The following XPA variants were observed in gnomAD, a reference collection of about 807,000 sequenced individuals.
The protein encoded by XPA is DNA repair protein complementing XP-A cells.
Under a neutral mutation model 35.7 loss-of-function variants are expected in XPA, and 27 were observed. The ratio of observed to expected loss-of-function variants is 0.76; its 90% CI spans 0.56 to 1.04. XPA has a LOEUF of 1.04. XPA is among the 50% of genes least tolerant of loss of function. XPA has a pLI of 0.00. For missense variants in XPA, 354 were observed against 342.7 expected (o/e 1.03, Z -0.26); for synonymous variants, 133 against 118.4 (o/e 1.12, Z -0.80).
At chr9:97,656,212 T>A in the XPA span, 1 of 795,834 alleles carries the variant, frequency 1.3e-6, no homozygotes, top group Non-Finnish European at 2.0e-6. Flanking sequence ...CCATTTTTAA[T>A]CAAGACTTAG....
At chr9:97,658,586 C>A in the XPA span, 6 of 1,374,782 alleles carry the variant, frequency 4.4e-6, no homozygotes, top group Non-Finnish European at 5.2e-6. Flanking sequence ...TCGGGTGTTA[C>A]CGAAGAATGG....
At position 97,675,420 on chromosome 9, in the gene XPA, A is replaced by G; in HGVS notation, c.*19T>C. ...ATTTAAATATAAAATTCTATAAAAC[A>G]GGTCACTGAACTAAAAAATCACATT... On this transcript the variant is annotated 3_prime_UTR_variant, in exon 6 of 6. Transcript: ENST00000375128. 1 of 1,609,836 alleles carries G rather than the reference A, an allele frequency of 6.2e-7. No homozygotes were observed. Among genetic ancestry groups the G allele is most frequent in the Non-Finnish European group, 8.5e-7 (1 of 1,178,542 alleles).
chr9:97,693,865 C>A (rs1352865193), intron 1 of XPA, 106 bp from the exon 2 acceptor site: 4 of 1,004,848 alleles, frequency 4.0e-6, no homozygotes, highest in Non-Finnish European at 6.1e-6. Flanking sequence ...TCAAACAACA[C>A]AAGGATGTCC....
chr9:97,666,352 A>T, the XPA span, among the ~76,000 whole-genome samples: 1 of 152,220 alleles, frequency 6.6e-6, no homozygotes, highest in Non-Finnish European at 1.5e-5. Context: ...AATAATATAA[A>T]GCATGGGAAA....
At chr9:97,662,159 A>T in the XPA span, 1 of 1,590,592 alleles carries the variant, frequency 6.3e-7, no homozygotes, top group South Asian at 1.1e-5. Context: ...GTATGAGTAC[A>T]GAGCCTTGCT....
chr9:97,693,673 T>G lies in XPA; in HGVS notation c.259A>C (p.Ile87Leu). 2.5e-6 allele frequency: 4 copies of G among 1,613,580 alleles called. No homozygotes were observed. Among genetic ancestry groups the G allele is most frequent in the Non-Finnish European group, 2.5e-6 (3 of 1,179,918 alleles). The change falls in exon 2 of 6, where the codon ATT becomes CTT. Residue 87 changes from isoleucine (I) to leucine (L), a missense_variant. By Grantham distance (5) the Ile-to-Leu change is conservative (BLOSUM62 2). Coordinates refer to ENST00000375128, the MANE Select transcript of XPA (RefSeq NM_000380.4). ...CCTGGTTGATGAACAACTTTTCCAATTTTCTGTTCTTCTTCTTCTTCCTCT... is the reference window on the plus strand; with the variant it reads ...CCTGGTTGATGAACAACTTTTCCAAGTTTCTGTTCTTCTTCTTCTTCCTCT... ...LEEEEEEEQK[I>L]GKVVHQPGPV...
chr9:97,657,116 G>A, the XPA span, among the ~76,000 whole-genome samples: 5 of 152,214 alleles, frequency 3.3e-5, no homozygotes, highest in Admixed American at 6.5e-5. Flanking sequence ...ACAGGCGCCC[G>A]CCACCACGCC....
intron 5 of XPA, among the ~76,000 whole-genome samples, chr9:97,683,093 A>G (rs1244243695): frequency 6.6e-6 from 1 of 152,194 alleles, no homozygotes; most frequent in African/African-American, 2.4e-5. Flanking sequence ...TTATTATTTT[A>G]TCCATGTATT....
chr9:97,663,671 G>A, the XPA span, among the ~76,000 whole-genome samples: 1 of 151,744 alleles, frequency 6.6e-6, no homozygotes, highest in East Asian at 2.0e-4. Context: ...TTTTAGTAGA[G>A]ATGGGGTTTC....
At chr9:97,673,754 T>C (rs985248061), downstream of XPA, 5 of 152,228 alleles carry the variant, frequency 3.3e-5, no homozygotes, top group African/African-American at 1.2e-4. Context: ...GTAAACATAC[T>C]GTTTTCCTAA....
At chr9:97,676,498 T>C (rs770935551) in intron 5 of XPA, among the ~76,000 whole-genome samples, 2 of 152,234 alleles carry the variant, frequency 1.3e-5, no homozygotes, top group Non-Finnish European at 2.9e-5. Context: ...ATAGCTGTCT[T>C]GTATAATCTC....
chr9:97,682,303 T>C (rs1321350060), intron 5 of XPA: 1 of 518,928 alleles, frequency 1.9e-6, no homozygotes, highest in Non-Finnish European at 3.8e-6. Context: ...ACTTTTAGAC[T>C]TGCTTTTATT....
the XPA span, among the ~76,000 whole-genome samples, chr9:97,665,403 G>T: frequency 6.6e-6 from 1 of 152,146 alleles, no homozygotes; most frequent in South Asian, 2.1e-4. Context: ...TACAGAATAG[G>T]GAAGTGTCAC....
At chr9:97,665,555 T>C in the XPA span, among the ~76,000 whole-genome samples, 1 of 152,220 alleles carries the variant, frequency 6.6e-6, no homozygotes, top group Non-Finnish European at 1.5e-5. Context: ...CTGCAAACCT[T>C]TCCCTGACTA....
At chr9:97,658,426 C>G in the XPA span, among the ~76,000 whole-genome samples, 93 of 152,364 alleles carry the variant, frequency 6.1e-4, 1 homozygote, top group East Asian at 0.017. Context: ...GCTCACTCAC[C>G]CGCACCTCAG....
chr9:97,680,139 G>A (rs751485665), intron 5 of XPA, among the ~76,000 whole-genome samples: 7 of 152,162 alleles, frequency 4.6e-5, no homozygotes, highest in Non-Finnish European at 1.0e-4. Context: ...TATACACAAG[G>A]TAGCAGCATT....
chr9:97,690,621 C>T (rs763528917), intron 2 of XPA, among the ~76,000 whole-genome samples: 6 of 152,058 alleles, frequency 3.9e-5, no homozygotes, highest in Admixed American at 3.3e-4. Flanking sequence ...CTCCTAACCT[C>T]GTGATCCACC....
At position 97,675,015 on chromosome 9, in the gene XPA, A is replaced by G. The variant is rs1828306628; in HGVS notation, c.*424T>C. 1.9e-6 allele frequency: 1 copy of G among 527,496 alleles called. No individual in the cohort carries two copies. Among genetic ancestry groups the G allele is most frequent in the African/African-American group, 1.9e-5 (1 of 53,408 alleles). 32.7% of individuals were successfully genotyped at this position (527,496 alleles called of 1,614,324 possible). On this transcript the variant is annotated 3_prime_UTR_variant, in exon 6 of 6. Transcript: ENST00000375128. ...AGACAGAAATCGTCCTAAAAAACAC[A>G]TGACTAGAACCTGGGGTACAGTGGT...
the XPA span, chr9:97,663,121 G>A: frequency 8.6e-7 from 1 of 1,159,772 alleles, no homozygotes; most frequent in East Asian, 2.4e-5. Flanking sequence ...AATTGCCATT[G>A]TTTTGTTTGT....
Sources: gnomAD v4.1 joint callset for allele counts (sites outside exome capture counted in the v4.1 genomes callset) on GRCh38, gnomAD v4.1.1 for gene constraint, MANE v1.5 for transcripts, NCBI Gene and HGNC (gene_info 2026-07-23, HGNC 2026-07-21) for gene names.